CTNNA3: variants seen among roughly 807,000 people sequenced by gnomAD.
The protein encoded by CTNNA3 is catenin alpha 3, also known as catenin alpha-3.
CTNNA3 carries 76 observed loss-of-function variants against 95.7 expected under a neutral mutation model. The observed-to-expected ratio is 0.79, with a 90% CI of 0.66 to 0.96. CTNNA3 has a LOEUF of 0.96. Among genes scored for constraint, CTNNA3 ranks in the 40% least tolerant of loss-of-function variants. The probability of loss-of-function intolerance (pLI) is 0.00; values close to 1 mark genes in which losing one functional copy is unlikely to be tolerated. For synonymous variants in CTNNA3, 431 were observed against 374.4 expected (o/e 1.15, Z -1.74); for missense variants, 1,191 against 1,089.8 (o/e 1.09, Z -1.31).
intron 1 of CTNNA3, among the ~76,000 whole-genome samples, chr10:67,731,190 G>C (rs1337099344): frequency 6.6e-6 from 1 of 152,144 alleles, no homozygotes; most frequent in Non-Finnish European, 1.5e-5. Context: ...CATGAAGTTG[G>C]AAAGCATGGT....
At chr10:67,122,144 C>T (rs746023386) in intron 7 of CTNNA3, among the ~76,000 whole-genome samples, 9 of 151,872 alleles carry the variant, frequency 5.9e-5, no homozygotes, top group Non-Finnish European at 7.4e-5. Context: ...CTATAGATAG[C>T]GTCTTTCCTA....
At chr10:67,422,070 C>T (rs566996391) in intron 5 of CTNNA3, among the ~76,000 whole-genome samples, 1 of 152,004 alleles carries the variant, frequency 6.6e-6, no homozygotes, top group African/African-American at 2.4e-5. Context: ...ACAAGACAAA[C>T]TGAGAAAATC....
At chr10:66,416,005 G>C (rs2093142910) in intron 11 of CTNNA3, among the ~76,000 whole-genome samples, 1 of 152,074 alleles carries the variant, frequency 6.6e-6, no homozygotes, top group South Asian at 2.1e-4. Flanking sequence ...TTCAATTATT[G>C]ATTCTAAATA....
chr10:66,521,963 T>G (rs1841082254), intron 10 of CTNNA3, among the ~76,000 whole-genome samples: 1 of 152,210 alleles, frequency 6.6e-6, no homozygotes, highest in Non-Finnish European at 1.5e-5. Context: ...GGATACTCAT[T>G]GAGTGGAATG....
At chr10:66,417,875 G>A (rs751315164) in intron 11 of CTNNA3, among the ~76,000 whole-genome samples, 5 of 151,700 alleles carry the variant, frequency 3.3e-5, no homozygotes, top group Non-Finnish European at 7.4e-5. Context: ...AGTACTACGA[G>A]GGAAGTTTAT....
intron 7 of CTNNA3, among the ~76,000 whole-genome samples, chr10:66,993,266 T>A (rs1778781992): frequency 6.6e-6 from 1 of 152,108 alleles, no homozygotes; most frequent in African/African-American, 2.4e-5. Context: ...AGAAGAAATA[T>A]TACAAAAAGC....
intron 9 of CTNNA3, among the ~76,000 whole-genome samples, chr10:66,762,466 C>A (rs747183459): frequency 6.6e-6 from 1 of 151,986 alleles, no homozygotes; most frequent in Non-Finnish European, 1.5e-5. Flanking sequence ...TCTAGATTCT[C>A]CAGTTACTGG....
intron 7 of CTNNA3, among the ~76,000 whole-genome samples, chr10:66,987,624 G>T (rs768799550): frequency 4.6e-5 from 7 of 152,150 alleles, no homozygotes; most frequent in South Asian, 4.1e-4. Context: ...TTGAGGAAAT[G>T]TCTTGTCCTT....
chr10:67,762,647 G>C (rs1011446116), intron 1 of CTNNA3, among the ~76,000 whole-genome samples: 3 of 152,156 alleles, frequency 2.0e-5, no homozygotes, highest in African/African-American at 7.2e-5. Context: ...TAAGGGAGGA[G>C]ACCACCCCTC....
At chr10:67,213,254 A>G (rs1864213725) in intron 6 of CTNNA3, among the ~76,000 whole-genome samples, 1 of 151,668 alleles carries the variant, frequency 6.6e-6, no homozygotes, top group Non-Finnish European at 1.5e-5. Flanking sequence ...TTTAGTATTT[A>G]TAATATTTAG....
intron 12 of CTNNA3, among the ~76,000 whole-genome samples, chr10:66,306,959 A>T (rs1433262425): frequency 6.6e-6 from 1 of 152,326 alleles, no homozygotes; most frequent in East Asian, 1.9e-4. Context: ...TGGACCCTAA[A>T]TTACTAACAA....
chr10:66,498,542 C>A (rs1314458381), intron 11 of CTNNA3, among the ~76,000 whole-genome samples: 1 of 152,084 alleles, frequency 6.6e-6, no homozygotes, highest in Admixed American at 6.5e-5. Flanking sequence ...TCCCACATTT[C>A]GTATCACTTG....
chr10:66,374,610 T>C lies in CTNNA3; in HGVS notation c.1732+4542A>G, dbSNP rs1298590901. Among the ~76,000 whole-genome samples the C allele has an allele frequency of 3.5e-3, 290 of 83,870 alleles. 7 individuals are homozygous for C. The highest frequency in any genetic ancestry group is 0.014 in the East Asian group (17 of 1,190). The allele number at this position is 83,870 out of a possible 152,430, so 55.0% of individuals were successfully genotyped here. A position where few individuals can be genotyped will look rare whatever the true frequency, so the allele number is the denominator to read the frequency against. ...ATTCCATTTTGAAAGAAAAGCCTTT[T>C]TTTTTTTTTTTTTTTTTTTTTTGAG... On this transcript the variant is annotated intron_variant, in intron 12 of 17. Coordinates refer to ENST00000433211, the MANE Select transcript of CTNNA3 (RefSeq NM_013266.4).
chr10:67,364,121 T>G (rs1028455224), intron 5 of CTNNA3, among the ~76,000 whole-genome samples: 2 of 152,154 alleles, frequency 1.3e-5, no homozygotes, highest in Non-Finnish European at 2.9e-5. Flanking sequence ...AAAAAGCTTA[T>G]CCACCATGAT....
chr10:67,459,653 C>T (rs1847304685), intron 5 of CTNNA3, among the ~76,000 whole-genome samples: 1 of 152,158 alleles, frequency 6.6e-6, no homozygotes, highest in South Asian at 2.1e-4. Flanking sequence ...ATAAACTGTA[C>T]TTGTCTCATG....
At chr10:65,944,279 C>T (rs1402500685) in intron 17 of CTNNA3, among the ~76,000 whole-genome samples, 2 of 152,242 alleles carry the variant, frequency 1.3e-5, no homozygotes, top group African/African-American at 4.8e-5. Flanking sequence ...TGTCACTTTT[C>T]CCTTTCTTTT....
intron 11 of CTNNA3, among the ~76,000 whole-genome samples, chr10:66,409,529 T>C (rs2093085456): frequency 6.6e-6 from 1 of 152,030 alleles, no homozygotes; most frequent in African/African-American, 2.4e-5. Flanking sequence ...CCAAACATAG[T>C]GGTGCAGTAT....
At chr10:65,926,717 C>A (rs745991379) in intron 17 of CTNNA3, among the ~76,000 whole-genome samples, 2 of 152,138 alleles carry the variant, frequency 1.3e-5, no homozygotes, top group Non-Finnish European at 2.9e-5. Flanking sequence ...CTTAGGTGAT[C>A]CGCCTGCCTT....
intron 13 of CTNNA3, among the ~76,000 whole-genome samples, chr10:66,188,987 A>G (rs1260486671): frequency 6.6e-6 from 1 of 152,086 alleles, no homozygotes; most frequent in Non-Finnish European, 1.5e-5. Flanking sequence ...AGTGATCTTG[A>G]GCACCTTTTC....
Sources: allele counts gnomAD v4.1 joint callset (sites outside exome capture counted in the v4.1 genomes callset), GRCh38; gene constraint gnomAD v4.1.1; transcripts MANE v1.5; gene names NCBI Gene and HGNC (gene_info 2026-07-23, HGNC 2026-07-21).